Variants in CTDNEP1 observed in about 807,000 individuals in gnomAD.
CTDNEP1 encodes the protein C-terminal domain nuclear envelope phosphatase 1.
CTDNEP1 carries 3 observed loss-of-function variants against 30.1 expected under a neutral mutation model. The observed-to-expected ratio is 0.10, with a 90% CI of 0.05 to 0.26. The LOEUF (loss-of-function observed/expected upper bound fraction) is 0.26, where lower values mean the gene tolerates loss of function less well. Ranked by LOEUF, CTDNEP1 falls within the 10% of genes least tolerant of loss-of-function variation. The pLI, the probability that CTDNEP1 is intolerant of heterozygous loss-of-function variation, is 1.00. For synonymous variants in CTDNEP1, 123 were observed against 118.8 expected, an observed-to-expected ratio of 1.04 and a Z score of -0.23; for missense variants, 158 against 310.4, an observed-to-expected ratio of 0.51 and a Z score of 3.69.
chr17:7,244,571 G>C lies in CTDNEP1; in HGVS notation c.654C>G (p.Leu218=). Residue 218 remains leucine (L), a synonymous_variant, in exon 7 of 8, where the codon CTC becomes CTG. Transcript: ENST00000574322. ...CTTACCTGAGGGCATCCAGCATTGG[G>C]AGCAGGTTGAGAAGGGCTGTGTCGC... ...DPSDTALLNL[L]PMLDALRFTA... The C allele has an allele frequency of 1.2e-6, 2 of 1,614,056 alleles. No homozygotes were observed. Among genetic ancestry groups the C allele is most frequent in the South Asian group, 2.2e-5 (2 of 91,086 alleles).
rs1231728366 is a variant in CTDNEP1, at chr17:7,244,797, A to C, written c.590-162T>G. 4 of 591,116 alleles carry C rather than the reference A, an allele frequency of 6.8e-6. No individual in the cohort carries two copies. The African/African-American group carries it at 7.5e-5, about 11-fold the overall frequency. The allele number at this position is 591,116 out of a possible 1,614,324, so 36.6% of individuals were successfully genotyped here. ...TTTCCTGGTTTATGCTCCGAAACTA[A>C]GTTTTAATCACCAGATCTCATACCT... On this transcript the variant is annotated intron_variant, in intron 6 of 7. Coordinates refer to ENST00000574322, the MANE Select transcript of CTDNEP1 (RefSeq NM_001143775.2).
At chr17:7,251,159 A>G (rs775550593) in intron 1 of CTDNEP1, 36 bp downstream of exon 1, 1 of 1,472,344 alleles carries the variant, frequency 6.8e-7, no homozygotes. Flanking sequence ...ACACCGCCAG[A>G]CGTCCCCAAC....
At chr17:7,244,923 C>A (rs565203564) in intron 6 of CTDNEP1, 7 of 297,256 alleles carry the variant, frequency 2.4e-5, no homozygotes, top group African/African-American at 1.6e-4. Context: ...TTTGAGAGGC[C>A]GAGGTGGGAG....
intron 1 of CTDNEP1, 101 bp downstream of exon 1, chr17:7,251,094 C>A: frequency 1.3e-6 from 1 of 796,812 alleles, no homozygotes; most frequent in Non-Finnish European, 1.9e-6. Context: ...TTCCTAGGCC[C>A]AAACAGAGGC....
At position 7,251,470 on chromosome 17, in the gene CTDNEP1, C is replaced by G. The variant is rs2071924599; in HGVS notation, c.-174G>C. On this transcript the variant is annotated 5_prime_UTR_variant, in exon 1 of 8. Transcript: ENST00000574322. ...AAAGCCACCCCTGGCGAGGGTAAAG[C>G]CCAGCGGAACGGGGAGCTGGGGGAC... 1 of 426,108 alleles carries G rather than the reference C, an allele frequency of 2.3e-6. No individual in the cohort carries two copies. Among genetic ancestry groups the G allele is most frequent in the East Asian group, 4.0e-5 (1 of 25,244 alleles). 26.4% of individuals were successfully genotyped at this position (426,108 alleles called of 1,614,324 possible). A position where few individuals can be genotyped will look rare whatever the true frequency, so the allele number is the denominator to read the frequency against.
In CTDNEP1 at chr17:7,251,457, G is replaced by A. The variant is rs549815534; in HGVS notation, c.-161C>T. On this transcript the variant is annotated 5_prime_UTR_variant, in exon 1 of 8. Transcript: ENST00000574322. ...GCGGGCGGCTCAGAAAGCCACCCCT[G>A]GCGAGGGTAAAGCCCAGCGGAACGG... 2.7e-5 allele frequency: 12 copies of A among 447,670 alleles called. No homozygotes were observed. Among genetic ancestry groups the A allele is most frequent in the African/African-American group, 1.9e-4 (9 of 48,032 alleles). 27.7% of individuals were successfully genotyped at this position (447,670 alleles called of 1,614,324 possible). A position where few individuals can be genotyped will look rare whatever the true frequency, so the allele number is the denominator to read the frequency against.
At chr17:7,244,912 C>CTT in intron 6 of CTDNEP1, 1 of 329,684 alleles carries the variant, frequency 3.0e-6, no homozygotes, top group Non-Finnish European at 5.6e-6. Context: ...TATCCCAACA[C>CTT]TTTGAGAGGC....
upstream of CTDNEP1, chr17:7,251,868 GC>G (rs2071937560): frequency 6.4e-6 from 1 of 155,220 alleles, no homozygotes; most frequent in Non-Finnish European, 1.4e-5. Context: ...GGCCGGAGCG[GC>G]CTCCCCCTCC....
rs1291226235 is a variant in CTDNEP1 at position 7,244,086 on chromosome 17, C to T, written c.*99G>A. On this transcript the variant is annotated 3_prime_UTR_variant, in exon 8 of 8. Coordinates refer to ENST00000574322, the MANE Select transcript of CTDNEP1 (RefSeq NM_001143775.2). ...AGAGGGGTGGGAGGGGCAGACCCTG[C>T]CCAGGCAGTCCTCACATTGGACAGG... 9.0e-6 allele frequency: 14 copies of T among 1,562,878 alleles called. No individual in the cohort carries two copies. Among genetic ancestry groups the T allele is most frequent in the Non-Finnish European group, 1.2e-5 (14 of 1,152,652 alleles).
In CTDNEP1 at chr17:7,251,313, C is replaced by A. The variant is rs777566180; in HGVS notation, c.-17G>T. 2 of 1,504,128 alleles carry A rather than the reference C, an allele frequency of 1.3e-6. No homozygotes were observed. Among genetic ancestry groups the A allele is most frequent in the South Asian group, 2.6e-5 (2 of 77,092 alleles). The allele number at this position is 1,504,128 out of a possible 1,614,324, so 93.2% of individuals were successfully genotyped here. On this transcript the variant is annotated 5_prime_UTR_variant, in exon 1 of 8. Transcript: ENST00000574322. ...CCGCATCATCCCGATGACCCCGGCA[C>A]CGCCGGCCCCGGGGCCCCCGCGGCC...
chr17:7,244,911 A>G (rs2071816841), intron 6 of CTDNEP1: 2 of 332,972 alleles, frequency 6.0e-6, no homozygotes, highest in Admixed American at 4.7e-5. Flanking sequence ...TTATCCCAAC[A>G]CTTTGAGAGG....
chr17:7,244,167 G>A lies in CTDNEP1; in HGVS notation c.*18C>T. 7 of 1,613,846 alleles carry A rather than the reference G, an allele frequency of 4.3e-6. No homozygotes were observed. Among genetic ancestry groups the A allele is most frequent in the Non-Finnish European group, 5.9e-6 (7 of 1,179,930 alleles). On this transcript the variant is annotated 3_prime_UTR_variant, in exon 8 of 8. Transcript: ENST00000574322. ...CCCTTTCCCCCCCACCCCAACTCAG[G>A]TGGAGGGGGAGCAGCTGTCACCAGA... is the stretch of plus-strand genomic sequence containing the variant.
chr17:7,245,063 C>T (rs968437568), intron 6 of CTDNEP1, among the ~76,000 whole-genome samples: 1 of 152,104 alleles, frequency 6.6e-6, no homozygotes, highest in Non-Finnish European at 1.5e-5. Context: ...GAGGCCAAAG[C>T]GGACGAATCA....
At chr17:7,248,245 G>A (rs1208686646) in intron 1 of CTDNEP1, among the ~76,000 whole-genome samples, 1 of 93,102 alleles carries the variant, frequency 1.1e-5, no homozygotes, top group African/African-American at 4.4e-5. Flanking sequence ...TGGTGACAGA[G>A]CAAGACTCCG....
At position 7,246,924 on chromosome 17, in the gene CTDNEP1, G is replaced by T; in HGVS notation, c.289-62C>A. Reference sequence around the variant, plus strand: ...CCACCACAACCCAGGCCTAGAAAACGCCCCACCCATCTGCTTCCCTCCTCC... The same window carrying T: ...CCACCACAACCCAGGCCTAGAAAACTCCCCACCCATCTGCTTCCCTCCTCC... On this transcript the variant is annotated intron_variant, in intron 3 of 7. Transcript: ENST00000574322. This position sits in a 1 kb window ranked among gnomAD's most constrained non-coding sequence, Gnocchi z 4.9. 6.7e-7 allele frequency: 1 copy of T among 1,499,840 alleles called. No individual in the cohort carries two copies. The highest frequency in any genetic ancestry group is 9.3e-7 in the Non-Finnish European group (1 of 1,078,022). 92.9% of individuals were successfully genotyped at this position (1,499,840 alleles called of 1,614,324 possible).
intron 6 of CTDNEP1, among the ~76,000 whole-genome samples, chr17:7,245,197 CAGG>C (rs2142998325): frequency 6.6e-6 from 1 of 152,150 alleles, no homozygotes; most frequent in South Asian, 2.1e-4. Flanking sequence ...GAGGCTGAGG[CAGG>C]AGAATTGCTT....
intron 1 of CTDNEP1, among the ~76,000 whole-genome samples, chr17:7,250,499 G>A (rs572082111): frequency 2.6e-5 from 4 of 152,226 alleles, no homozygotes; most frequent in Admixed American, 2.6e-4. Flanking sequence ...GCCCAGCGCT[G>A]TCCTCTGACA....
At chr17:7,251,002 A>C (rs2071911909) in intron 1 of CTDNEP1, among the ~76,000 whole-genome samples, 193 bp downstream of exon 1, 1 of 152,086 alleles carries the variant, frequency 6.6e-6, no homozygotes, top group East Asian at 1.9e-4. Flanking sequence ...CCCAAGGGCA[A>C]GGTTCTATTA....
At chr17:7,251,125 G>A in intron 1 of CTDNEP1, 70 bp downstream of exon 1, 4 of 1,121,538 alleles carry the variant, frequency 3.6e-6, no homozygotes, top group Non-Finnish European at 5.1e-6. Context: ...GAAAACCCCT[G>A]AGCACCACGG....
Sources: allele counts gnomAD v4.1 joint callset (sites outside exome capture counted in the v4.1 genomes callset), GRCh38; gene constraint gnomAD v4.1.1; non-coding constraint Gnocchi (gnomAD v3.1); transcripts MANE v1.5; gene names NCBI Gene and HGNC (gene_info 2026-07-23, HGNC 2026-07-21).